RFPL2: variants seen among roughly 807,000 people sequenced by gnomAD.
The protein encoded by RFPL2 is ret finger protein like 2.
A neutral mutation model predicts 17.8 loss-of-function variants in RFPL2; 13 were observed. The observed-to-expected ratio is 0.73, with a 90% CI of 0.47 to 1.16. The LOEUF is 1.16. RFPL2 is among the 50% of genes most tolerant of loss of function. The probability of loss-of-function intolerance (pLI) is 0.00; values close to 1 mark genes in which losing one functional copy is unlikely to be tolerated. For missense variants in RFPL2, 431 were observed against 479.3 expected, an observed-to-expected ratio of 0.90 and a Z score of 0.94; for synonymous variants, 189 against 180.9, an observed-to-expected ratio of 1.04 and a Z score of -0.36.
chr22:32,197,421 T>A (rs1405882883), intron 2 of RFPL2, among the ~76,000 whole-genome samples: 1 of 152,134 alleles, frequency 6.6e-6, no homozygotes, highest in Non-Finnish European at 1.5e-5. Context: ...TTCATTTTTT[T>A]TTATTATTAT....
rs376988326 is a variant in RFPL2 at position 32,202,367 on chromosome 22, C to T, written c.85G>A (p.Asp29Asn). 2.6e-5 allele frequency: 41 copies of T among 1,605,190 alleles called. No individual in the cohort carries two copies. The African/African-American group carries it at 4.7e-4, about 18-fold the overall frequency. ...CTTATCACCATCATGTCTGCAAAGT[C>T]CCAGTGGCCACACAATACAGCACAT... ...CLCAVLCGHWDFADMMVIRSL... is the reference protein window; with the variant it reads ...CLCAVLCGHWNFADMMVIRSL... The change falls in exon 2 of 5, where the codon GAC becomes AAC. Residue 29 changes from aspartate to asparagine, a missense_variant. Transcript: ENST00000652607.
intron 2 of RFPL2, among the ~76,000 whole-genome samples, chr22:32,197,142 T>C (rs136487): frequency 0.51 from 77,030 of 152,058 alleles, 21,608 homozygotes; most frequent in African/African-American, 0.74. Flanking sequence ...CTCAGGAAGA[T>C]TTGGTCATTG....
chr22:32,200,849 T>C, intron 2 of RFPL2, among the ~76,000 whole-genome samples: 1 of 152,010 alleles, frequency 6.6e-6, no homozygotes, highest in Non-Finnish European at 1.5e-5. Context: ...ATCAAATTCA[T>C]GAGGTCTCAC....
chr22:32,204,447 C>A (rs77928069), intron 1 of RFPL2, among the ~76,000 whole-genome samples: 1,652 of 152,148 alleles, frequency 0.011, 36 homozygotes, highest in African/African-American at 0.038. Context: ...CTCCCACCAC[C>A]GGGTTGTAGC....
chr22:32,204,682 T>C (rs769438521), intron 1 of RFPL2, among the ~76,000 whole-genome samples, 25 bp downstream of exon 1: 5 of 152,202 alleles, frequency 3.3e-5, no homozygotes, highest in Non-Finnish European at 7.3e-5. Context: ...GCCTCCAGCG[T>C]GGGACAGGTG....
chr22:32,190,545 T>G lies in RFPL2; in HGVS notation c.*227A>C, dbSNP rs191331393. 2,664 of 413,042 alleles carry G rather than the reference T, an allele frequency of 6.4e-3. 9 individuals are homozygous for G. Among genetic ancestry groups the G allele is most frequent in the Middle Eastern group, 0.013 (21 of 1,592 alleles). The allele number at this position is 413,042 out of a possible 1,614,324, so 25.6% of individuals were successfully genotyped here. On this transcript the variant is annotated 3_prime_UTR_variant, in exon 5 of 5. Coordinates refer to ENST00000652607, the MANE Select transcript of RFPL2 (RefSeq NM_001394555.1). ...AAATTGATCCCAGAATACAGGACAT[T>G]TCTATAGGAAACAAGATGTGAACCA...
At chr22:32,192,605 CT>C (rs1224192395) in intron 4 of RFPL2, among the ~76,000 whole-genome samples, 1 of 152,194 alleles carries the variant, frequency 6.6e-6, no homozygotes, top group Non-Finnish European at 1.5e-5. Flanking sequence ...GGGATCAATC[CT>C]GAGACTTCCC....
intron 1 of RFPL2, chr22:32,203,476 T>C (rs1009737020): frequency 6.6e-6 from 1 of 150,776 alleles, no homozygotes; most frequent in African/African-American, 2.5e-5. Flanking sequence ...AGTGTAGCGA[T>C]AGGGCACCCA....
chr22:32,203,276 C>A lies in RFPL2; in HGVS notation c.-99-726G>T, dbSNP rs146745141. 1,020 of 175,704 alleles carry A rather than the reference C, an allele frequency of 5.8e-3. 7 individuals carry two copies. The highest frequency in any genetic ancestry group is 0.011 in the Middle Eastern group (4 of 350). The allele number at this position is 175,704 out of a possible 1,614,324, so 10.9% of individuals were successfully genotyped here. A position where few individuals can be genotyped will look rare whatever the true frequency, so the allele number is the denominator to read the frequency against. ...CACGGATACCACCCTCAACCAGCCC[C>A]TCGCCACAGGAAATGACTCCCGGGA... On this transcript the variant is annotated intron_variant, in intron 1 of 4. Transcript: ENST00000652607.
chr22:32,199,580 G>A (rs903622838), intron 2 of RFPL2, among the ~76,000 whole-genome samples: 1 of 152,180 alleles, frequency 6.6e-6, no homozygotes, highest in African/African-American at 2.4e-5. Context: ...TTCAACAGGA[G>A]GCTCACAGAG....
Position 32,191,248 on chromosome 22 carries a change from C to T in RFPL2, c.661G>A (p.Ala221Thr). ...GRIRQNRQDL[A>T]ERFDVSVCIL... Reference sequence around the variant, plus strand: ...CAAACGGACACGTCAAATCTCTCGGCAAGGTCTTGCCGATTCTGTCTGATG... The same window carrying T: ...CAAACGGACACGTCAAATCTCTCGGTAAGGTCTTGCCGATTCTGTCTGATG... Residue 221 changes from alanine to threonine, a missense_variant, in exon 5 of 5, where the codon GCC (alanine) becomes ACC (threonine). Physicochemically the swap from Ala to Thr is moderately conservative, Grantham distance 58. Coordinates refer to ENST00000652607, the MANE Select transcript of RFPL2 (RefSeq NM_001394555.1). 6.2e-7 allele frequency: 1 copy of T among 1,613,994 alleles called. No individual in the cohort carries two copies. Among genetic ancestry groups the T allele is most frequent in the Non-Finnish European group, 8.5e-7 (1 of 1,179,878 alleles).
At chr22:32,191,441 C>T in intron 4 of RFPL2, 89 bp from the exon 5 acceptor site, 8 of 1,449,462 alleles carry the variant, frequency 5.5e-6, no homozygotes, top group Non-Finnish European at 6.5e-6. Context: ...TATCTCTTGA[C>T]TTTAGTTTCT....
chr22:32,202,621 G>A (rs947299256), intron 1 of RFPL2, 71 bp from the exon 2 acceptor site: 24 of 1,424,722 alleles, frequency 1.7e-5, no homozygotes, highest in Non-Finnish European at 2.2e-5. Flanking sequence ...GCAGGGGCCG[G>A]TTTCAGCGAA....
Position 32,190,625 on chromosome 22 carries a change from TA to T in RFPL2, c.*146del. ...AATTAATACTTAGGACTCTATAATC[TA>T]ATCAAATTAGATTAAGTACAATCAA... On this transcript the variant is annotated 3_prime_UTR_variant, in exon 5 of 5. Transcript: ENST00000652607. 1.3e-6 allele frequency: 1 copy of T among 783,194 alleles called. No individual in the cohort carries two copies. Among genetic ancestry groups the T allele is most frequent in the Non-Finnish European group, 1.9e-6 (1 of 519,116 alleles). 48.5% of individuals were successfully genotyped at this position (783,194 alleles called of 1,614,324 possible).
In RFPL2 at chr22:32,197,866, T is replaced by C. The variant is rs41461148; in HGVS notation, c.120-3376A>G. Among the ~76,000 whole-genome samples the C allele has an allele frequency of 9.6e-3, 1,458 of 152,300 alleles. 20 individuals are homozygous for C. The highest frequency in any genetic ancestry group is 0.034 in the African/African-American group (1,405 of 41,542). ...GATCACACTCCGGCTGCTACTTACA[T>C]AGTCCTTTTGAGTCAGACACTCCAA... is the stretch of plus-strand genomic sequence containing the variant. On this transcript the variant is annotated intron_variant, in intron 2 of 4. Coordinates refer to ENST00000652607, the MANE Select transcript of RFPL2 (RefSeq NM_001394555.1).
chr22:32,200,551 A>AAC (rs1224752935), intron 2 of RFPL2, among the ~76,000 whole-genome samples: 1 of 151,668 alleles, frequency 6.6e-6, no homozygotes, highest in East Asian at 2.0e-4. Context: ...TTGGTCATTG[A>AAC]ACACCTCTCT....
intron 1 of RFPL2, chr22:32,203,584 C>A (rs1924199258): frequency 6.6e-6 from 1 of 152,286 alleles, no homozygotes; most frequent in African/African-American, 2.4e-5. Flanking sequence ...CCCGCCTCCC[C>A]ACCCAGCCAC....
At position 32,191,175 on chromosome 22, in the gene RFPL2, A is replaced by G; in HGVS notation, c.734T>C (p.Val245Ala). The G allele has an allele frequency of 6.2e-7, 1 of 1,613,536 alleles. No individual in the cohort carries two copies. Among genetic ancestry groups the G allele is most frequent in the Non-Finnish European group, 8.5e-7 (1 of 1,179,812 alleles). The change falls in exon 5 of 5, where the codon GTG (valine) becomes GCG (alanine). Residue 245 changes from valine to alanine, a missense_variant. Coordinates refer to ENST00000652607, the MANE Select transcript of RFPL2 (RefSeq NM_001394555.1). The stretch of plus-strand genomic sequence containing the variant: ...CCATTCTGTGCTTGTTCCCACGTCC[A>G]CCTCCCAGCAGTGGCGGCCACAGGT... ...RFTCGRHCWE[V>A]DVGTSTEWDL...
intron 4 of RFPL2, among the ~76,000 whole-genome samples, chr22:32,191,776 G>C (rs1216526870): frequency 6.6e-6 from 1 of 152,130 alleles, no homozygotes; most frequent in East Asian, 1.9e-4. Flanking sequence ...ATGAGTCCAG[G>C]CCTTTGTTTT....
Sources: allele counts gnomAD v4.1 joint callset (sites outside exome capture counted in the v4.1 genomes callset), GRCh38; gene constraint gnomAD v4.1.1; transcripts MANE v1.5; gene names NCBI Gene and HGNC (gene_info 2026-07-23, HGNC 2026-07-21).